DDR2: variants seen among roughly 807,000 people sequenced by gnomAD.
DDR2 encodes discoidin domain-containing receptor 2.
In DDR2, 27 loss-of-function variants were observed where a neutral mutation model predicts 94.9. That is an observed-to-expected ratio of 0.28 (90% CI 0.21 to 0.39). The LOEUF is 0.39. Among genes scored for constraint, DDR2 ranks in the 10% least tolerant of loss-of-function variants. DDR2 has a pLI of 1.00. For synonymous variants in DDR2, 382 were observed against 377.2 expected (o/e 1.01, Z -0.15); for missense variants, 783 against 1,076.0 (o/e 0.73, Z 3.81).
intron 12 of DDR2, among the ~76,000 whole-genome samples, chr1:162,771,761 C>G (rs1487210583): frequency 6.6e-6 from 1 of 152,146 alleles, no homozygotes; most frequent in African/African-American, 2.4e-5. Flanking sequence ...ATAGCTTCAC[C>G]ACACAATTCC....
rs1558057675 is a variant in DDR2, at chr1:162,741,273, A to AATG, written c.83-11822_83-11821insATG. Among the ~76,000 whole-genome samples, 6 of 114,328 alleles carry AATG rather than the reference A, an allele frequency of 5.2e-5. No individual in the cohort carries two copies. The East Asian group carries it at 7.3e-4, about 14-fold the overall frequency. The allele number at this position is 114,328 out of a possible 152,430, so 75.0% of individuals were successfully genotyped here. Reference sequence around the variant, plus strand: ...ATAATGTAATGTAATGTAATATAATATAATATAATATAATATAATATAATA... The same window carrying AATG: ...ATAATGTAATGTAATGTAATATAATAATGTAATATAATATAATATAATATAATA... On this transcript the variant is annotated intron_variant, in intron 3 of 17. Coordinates refer to ENST00000367921, the MANE Select transcript of DDR2 (RefSeq NM_006182.4).
intron 4 of DDR2, among the ~76,000 whole-genome samples, 188 bp from the exon 5 acceptor site, chr1:162,754,436 T>C (rs895058714): frequency 6.6e-6 from 1 of 152,174 alleles, no homozygotes; most frequent in Non-Finnish European, 1.5e-5. Flanking sequence ...CTCATGGTAC[T>C]CCAGGGAAAG....
intron 2 of DDR2, among the ~76,000 whole-genome samples, chr1:162,668,542 G>A (rs1658688104): frequency 6.6e-6 from 1 of 152,136 alleles, no homozygotes; most frequent in Non-Finnish European, 1.5e-5. Flanking sequence ...ATCTTTCTTT[G>A]ACATCTAATT....
chr1:162,726,657 G>A (rs1399124047), intron 3 of DDR2, among the ~76,000 whole-genome samples: 3 of 152,134 alleles, frequency 2.0e-5, no homozygotes, highest in African/African-American at 2.4e-5. Flanking sequence ...TGGGACTCCA[G>A]GAAGAGCTTC....
intron 9 of DDR2, 94 bp from the exon 10 acceptor site, chr1:162,765,907 G>T: frequency 9.1e-7 from 1 of 1,096,388 alleles, no homozygotes; most frequent in South Asian, 1.2e-5. Context: ...TCACTAAATT[G>T]ATCTTGTAAT....
chr1:162,703,087 A>C (rs1273560177), intron 2 of DDR2, among the ~76,000 whole-genome samples: 1 of 152,226 alleles, frequency 6.6e-6, no homozygotes, highest in Admixed American at 6.5e-5. Flanking sequence ...TGAGTGATAA[A>C]GCATAAAATA....
rs1215802507 is a variant in DDR2, at chr1:162,787,369, A to G, written c.*7123A>G. On this transcript the variant is annotated 3_prime_UTR_variant, in exon 18 of 18. Transcript: ENST00000367921. ...GTCCTATGAGTGATAAAATATTTGT[A>G]AAATATAAAATTAAATGGCATCTAT... The G allele has an allele frequency of 1.3e-5, 2 of 150,714 alleles. No homozygotes were observed. Among genetic ancestry groups the G allele is most frequent in the African/African-American group, 2.4e-5 (1 of 40,914 alleles). The allele number at this position is 150,714 out of a possible 1,614,324, so 9.3% of individuals were successfully genotyped here. A position where few individuals can be genotyped will look rare whatever the true frequency, so the allele number is the denominator to read the frequency against.
intron 3 of DDR2, among the ~76,000 whole-genome samples, chr1:162,730,063 A>G (rs1173744441): frequency 6.6e-6 from 1 of 151,028 alleles, no homozygotes. Flanking sequence ...TTTTGCAAAA[A>G]AAAAAAAAAA....
intron 2 of DDR2, among the ~76,000 whole-genome samples, chr1:162,656,844 T>TTTTTTTTTTTTTTTC: frequency 8.2e-6 from 1 of 121,318 alleles, no homozygotes; most frequent in South Asian, 3.0e-4. Flanking sequence ...TTTTTTTTTT[T>TTTTTTTTTTTTTTTC]TTTTTATTTT....
At chr1:162,650,345 C>A (rs958004541) in intron 1 of DDR2, among the ~76,000 whole-genome samples, 1 of 152,170 alleles carries the variant, frequency 6.6e-6, no homozygotes, top group Non-Finnish European at 1.5e-5. Context: ...CCTGTAATCC[C>A]AACATTTTGG....
chr1:162,663,805 C>T (rs1048661751), intron 2 of DDR2, among the ~76,000 whole-genome samples: 18 of 152,098 alleles, frequency 1.2e-4, no homozygotes, highest in African/African-American at 4.3e-4. Flanking sequence ...GGAACAAAAG[C>T]CAGTGATTGC....
At chr1:162,719,929 C>T (rs1268945714) in intron 3 of DDR2, among the ~76,000 whole-genome samples, 2 of 152,000 alleles carry the variant, frequency 1.3e-5, no homozygotes, top group African/African-American at 4.8e-5. Context: ...TCTGTTTCAT[C>T]CTCCTGCAGA....
At chr1:162,740,133 T>C (rs1662518010) in intron 3 of DDR2, among the ~76,000 whole-genome samples, 1 of 152,198 alleles carries the variant, frequency 6.6e-6, no homozygotes, top group Non-Finnish European at 1.5e-5. Flanking sequence ...TAAAAATGAA[T>C]AAGATACAGT....
intron 9 of DDR2, among the ~76,000 whole-genome samples, chr1:162,764,950 G>T (rs1663922622): frequency 6.6e-6 from 1 of 152,146 alleles, no homozygotes; most frequent in East Asian, 1.9e-4. Context: ...AGAAAATAGA[G>T]CATATTTTTA....
intron 1 of DDR2, among the ~76,000 whole-genome samples, chr1:162,640,427 A>T (rs558101342): frequency 1.7e-4 from 26 of 152,280 alleles, no homozygotes; most frequent in African/African-American, 6.3e-4. Flanking sequence ...GAGGGATGTC[A>T]ATAGTGAGGG....
intron 2 of DDR2, among the ~76,000 whole-genome samples, chr1:162,688,017 C>T (rs1659771301): frequency 6.6e-6 from 1 of 152,182 alleles, no homozygotes; most frequent in Non-Finnish European, 1.5e-5. Context: ...CCAAAGGTGA[C>T]TGTTTTGGAA....
intron 2 of DDR2, among the ~76,000 whole-genome samples, chr1:162,674,588 T>C (rs1659038493): frequency 6.6e-6 from 1 of 152,186 alleles, no homozygotes; most frequent in African/African-American, 2.4e-5. Flanking sequence ...ACATTTATCT[T>C]TTGGTGAAAG....
intron 2 of DDR2, among the ~76,000 whole-genome samples, chr1:162,659,181 A>G (rs1263377839): frequency 2.6e-5 from 4 of 152,200 alleles, no homozygotes; most frequent in African/African-American, 4.8e-5. Flanking sequence ...ATGGGCTAAT[A>G]GGAAAGGAAA....
chr1:162,729,292 A>ATTTTTT (rs1302068654), intron 3 of DDR2, among the ~76,000 whole-genome samples: 2 of 23,824 alleles, frequency 8.4e-5, no homozygotes, highest in East Asian at 4.7e-4. Context: ...ATATATATAT[A>ATTTTTT]TATATATATT....
Sources: gnomAD v4.1 joint callset for allele counts (sites outside exome capture counted in the v4.1 genomes callset) on GRCh38, gnomAD v4.1.1 for gene constraint, MANE v1.5 for transcripts, NCBI Gene and HGNC (gene_info 2026-07-23, HGNC 2026-07-21) for gene names.